Variants in KIF26B observed in about 807,000 individuals in gnomAD.
KIF26B encodes kinesin family member 26B, also known as kinesin-like protein KIF26B.
Under a neutral mutation model 151.2 loss-of-function variants are expected in KIF26B, and 63 were observed. The observed-to-expected ratio is 0.42, with a 90% CI of 0.34 to 0.51. The LOEUF is 0.51. KIF26B is among the 20% of genes least tolerant of loss of function. The pLI is 0.07. For missense variants in KIF26B, 2,813 were observed against 2,913.6 expected, an observed-to-expected ratio of 0.97 and a Z score of 0.79; for synonymous variants, 1,357 against 1,262.1, an observed-to-expected ratio of 1.08 and a Z score of -1.59.
rs536515287 is a variant in KIF26B at position 245,686,094 on chromosome 1, C to T, written c.3111C>T (p.Leu1037=). 6.9e-6 allele frequency: 11 copies of T among 1,605,318 alleles called. No homozygotes were observed. Among genetic ancestry groups the T allele is most frequent in the Admixed American group, 3.4e-5 (2 of 58,696 alleles). The change falls in exon 12 of 15, where the codon CTC becomes CTT. Residue 1037 remains leucine (L), a synonymous_variant. Coordinates refer to ENST00000407071, the MANE Select transcript of KIF26B (RefSeq NM_018012.4). This position sits in a 1 kb window ranked among gnomAD's most constrained non-coding sequence, Gnocchi z 5.6. ...GSSSQHSASP[L]VQSPSLQSSR... ...GTAGCCAGCACAGCGCCTCCCCACTCGTGCAGAGCCCCAGCCTCCAGAGCA... is the reference window on the plus strand; with the variant it reads ...GTAGCCAGCACAGCGCCTCCCCACTTGTGCAGAGCCCCAGCCTCCAGAGCA...
intron 2 of KIF26B, among the ~76,000 whole-genome samples, chr1:245,214,427 A>C (rs765370567): frequency 3.9e-5 from 6 of 152,150 alleles, no homozygotes; most frequent in Non-Finnish European, 7.4e-5. Flanking sequence ...ACAAAGGAGC[A>C]TAAAGAATGT....
At position 245,521,963 on chromosome 1, in the gene KIF26B, G is replaced by A. The variant is rs553018470; in HGVS notation, c.1167-18804G>A. Among the ~76,000 whole-genome samples, 17 of 151,190 alleles carry A rather than the reference G, an allele frequency of 1.1e-4. No individual in the cohort carries two copies. The South Asian group carries it at 1.5e-3, about 13-fold the overall frequency. ...CGGCTCACTGCAAGCTCTGCCTCCC[G>A]TGTTCACGCCATTCTCCTGCCTCAG... On this transcript the variant is annotated intron_variant, in intron 4 of 14. Transcript: ENST00000407071.
chr1:245,675,613 T>C (rs1314959784), intron 10 of KIF26B, among the ~76,000 whole-genome samples: 1 of 152,142 alleles, frequency 6.6e-6, no homozygotes, highest in Non-Finnish European at 1.5e-5. Flanking sequence ...TAGTGTGAGC[T>C]TGGATGAACG....
chr1:245,217,556 C>T (rs1486588444), intron 2 of KIF26B, among the ~76,000 whole-genome samples: 2 of 151,650 alleles, frequency 1.3e-5, no homozygotes, highest in Admixed American at 6.6e-5. Flanking sequence ...TTAATAGAGA[C>T]GGGGATTTTT....
intron 2 of KIF26B, among the ~76,000 whole-genome samples, chr1:245,302,314 C>T (rs1437779879): frequency 6.6e-6 from 1 of 152,168 alleles, no homozygotes; most frequent in East Asian, 1.9e-4. Context: ...CTTTGCTGGC[C>T]TCAATAATCT....
chr1:245,673,401 G>C (rs928205970), intron 10 of KIF26B, among the ~76,000 whole-genome samples: 13 of 147,310 alleles, frequency 8.8e-5, no homozygotes, highest in Non-Finnish European at 1.8e-4. Flanking sequence ...CTTAGGCCCA[G>C]TCCCCGCTGC....
At chr1:245,614,261 G>C (rs916508943) in intron 9 of KIF26B, among the ~76,000 whole-genome samples, 2 of 152,018 alleles carry the variant, frequency 1.3e-5, no homozygotes, top group African/African-American at 4.8e-5. Flanking sequence ...TGCAACCTCC[G>C]CCTCCCGAGT....
At chr1:245,445,261 A>C (rs1465247465) in intron 4 of KIF26B, among the ~76,000 whole-genome samples, 1 of 152,220 alleles carries the variant, frequency 6.6e-6, no homozygotes, top group Non-Finnish European at 1.5e-5. Context: ...AGAATCTCTC[A>C]TCTTCCAGGC....
chr1:245,332,909 G>A (rs1383262857), intron 2 of KIF26B, among the ~76,000 whole-genome samples: 2 of 152,148 alleles, frequency 1.3e-5, no homozygotes, highest in Admixed American at 6.5e-5. Context: ...ACATCTCCTG[G>A]AGACACTGTA....
At position 245,166,568 on chromosome 1, in the gene KIF26B, G is replaced by A. The variant is rs573301307; in HGVS notation, c.465+9885G>A. On this transcript the variant is annotated intron_variant, in intron 2 of 14. Coordinates refer to ENST00000407071, the MANE Select transcript of KIF26B (RefSeq NM_018012.4). This position sits in a 1 kb window ranked among gnomAD's most constrained non-coding sequence, Gnocchi z 4.5. ...GCCCCTCTCGTAGCCCCTCCAGGGA[G>A]ACTTGCAGATGTGGCATTTGGCATT... Among the ~76,000 whole-genome samples, 7 of 152,320 alleles carry A rather than the reference G, an allele frequency of 4.6e-5. No homozygotes were observed. Among genetic ancestry groups the A allele is most frequent in the African/African-American group, 1.7e-4 (7 of 41,570 alleles).
intron 3 of KIF26B, among the ~76,000 whole-genome samples, chr1:245,387,648 C>T (rs967100474): frequency 6.6e-6 from 1 of 152,112 alleles, no homozygotes; most frequent in Non-Finnish European, 1.5e-5. Context: ...GCTATGATCA[C>T]GCCACTGCCC....
intron 5 of KIF26B, among the ~76,000 whole-genome samples, chr1:245,559,739 T>A (rs1424841971): frequency 6.6e-6 from 1 of 151,468 alleles, no homozygotes; most frequent in Non-Finnish European, 1.5e-5. Flanking sequence ...AGATGGGGGG[T>A]CTTACTATGT....
At position 245,687,404 on chromosome 1, in the gene KIF26B, C is replaced by T. The variant is rs2044544140; in HGVS notation, c.4421C>T (p.Thr1474Ile). ...ETATGPSNAE[T>I]RAEQEQDGKP... Reference sequence around the variant, plus strand: ...GCCACGGGCCCCTCGAATGCTGAGACCAGAGCAGAGCAGGAGCAGGACGGA... The same window carrying T: ...GCCACGGGCCCCTCGAATGCTGAGATCAGAGCAGAGCAGGAGCAGGACGGA... The change falls in exon 12 of 15, where the codon ACC becomes ATC. Residue 1474 changes from threonine (T) to isoleucine (I), a missense_variant. Transcript: ENST00000407071. The surrounding 1 kb of genome is among the most constrained non-coding windows in gnomAD (Gnocchi z 4.9). The T allele has an allele frequency of 1.3e-6, 2 of 1,589,340 alleles. No individual in the cohort carries two copies. The highest frequency in any genetic ancestry group is 1.7e-6 in the Non-Finnish European group (2 of 1,168,246).
intron 3 of KIF26B, among the ~76,000 whole-genome samples, chr1:245,398,813 T>C (rs1209981016): frequency 6.6e-6 from 1 of 151,860 alleles, no homozygotes; most frequent in African/African-American, 2.4e-5. Flanking sequence ...TTCCTGGAAA[T>C]AACTTACAGA....
At chr1:245,159,075 G>C (rs1668493337) in intron 2 of KIF26B, among the ~76,000 whole-genome samples, 1 of 152,154 alleles carries the variant, frequency 6.6e-6, no homozygotes, top group African/African-American at 2.4e-5. Context: ...CACAGAAGGA[G>C]TTAAGTTTCA....
chr1:245,585,016 A>C (rs143219146), intron 5 of KIF26B, among the ~76,000 whole-genome samples: 54 of 152,340 alleles, frequency 3.5e-4, no homozygotes, highest in African/African-American at 1.2e-3. Context: ...AATTTGCAAT[A>C]GATTTTGAGG....
At chr1:245,416,562 TGAACC>T (rs961093935) in intron 3 of KIF26B, among the ~76,000 whole-genome samples, 5 of 152,066 alleles carry the variant, frequency 3.3e-5, no homozygotes, top group African/African-American at 1.2e-4. Context: ...ATGCATGATA[TGAACC>T]GAAGTGGAGA....
At chr1:245,393,190 T>A (rs1373561859) in intron 3 of KIF26B, among the ~76,000 whole-genome samples, 3 of 151,952 alleles carry the variant, frequency 2.0e-5, no homozygotes, top group South Asian at 2.1e-4. Flanking sequence ...AAAAAAAAAA[T>A]TTGTCTTTTC....
chr1:245,199,750 C>T (rs996799797), intron 2 of KIF26B, among the ~76,000 whole-genome samples: 1 of 152,182 alleles, frequency 6.6e-6, no homozygotes, highest in Non-Finnish European at 1.5e-5. Flanking sequence ...TCCCAAAGTG[C>T]TGGGATTACA....
Sources: allele counts gnomAD v4.1 joint callset (sites outside exome capture counted in the v4.1 genomes callset), GRCh38; gene constraint gnomAD v4.1.1; non-coding constraint Gnocchi (gnomAD v3.1); transcripts MANE v1.5; gene names NCBI Gene and HGNC (gene_info 2026-07-23, HGNC 2026-07-21).